FOXI3: variants seen among roughly 807,000 people sequenced by gnomAD.
FOXI3 encodes forkhead box I3.
A neutral mutation model predicts 15.6 loss-of-function variants in FOXI3; 4 were observed. The ratio of observed to expected loss-of-function variants is 0.26; its 90% CI spans 0.13 to 0.59. The LOEUF (loss-of-function observed/expected upper bound fraction) is 0.59. Ranked by LOEUF, FOXI3 falls within the 20% of genes least tolerant of loss-of-function variation. The pLI, the probability that FOXI3 is intolerant of heterozygous loss-of-function variation, is 0.90. For missense variants in FOXI3, 489 were observed against 548.2 expected (o/e 0.89, Z 1.08); for synonymous variants, 238 against 244.4 (o/e 0.97, Z 0.25).
At chr2:88,451,207 CCT>C (rs1223248427) in intron 1 of FOXI3, among the ~76,000 whole-genome samples, 1 of 152,174 alleles carries the variant, frequency 6.6e-6, no homozygotes, top group Admixed American at 6.5e-5. Flanking sequence ...ACACAGACCT[CCT>C]CACTCCAGGA....
chr2:88,452,248 C>A lies in FOXI3; in HGVS notation c.288G>T (p.Pro96=), dbSNP rs1052668030. ...GAAAGPFLQP[P]PAAGTFGCSQ... is the part of the protein sequence containing the mutation. ...AGCAGCCGAAGGTGCCGGCGGCAGG[C>A]GGTGGCTGCAGAAAGGGCCCGGCCG... is the stretch of plus-strand genomic sequence containing the variant. Residue 96 remains proline (P), a synonymous_variant, in exon 1 of 2, where the codon CCG becomes CCT. Coordinates refer to ENST00000428390, the MANE Select transcript of FOXI3 (RefSeq NM_001135649.3). The A allele has an allele frequency of 1.9e-6, 2 of 1,041,030 alleles. No individual in the cohort carries two copies. The highest frequency in any genetic ancestry group is 2.3e-6 in the Non-Finnish European group (2 of 868,878). 64.5% of individuals were successfully genotyped at this position (1,041,030 alleles called of 1,614,324 possible).
chr2:88,451,764 C>T (rs1676050834), intron 1 of FOXI3, 132 bp downstream of exon 1: 2 of 1,342,222 alleles, frequency 1.5e-6, no homozygotes, highest in Non-Finnish European at 2.0e-6. Flanking sequence ...GTTATTCCTC[C>T]ATCCGCTCCC....
At position 88,448,749 on chromosome 2, in the gene FOXI3, G is replaced by T. The variant is rs764032108; in HGVS notation, c.721C>A (p.Arg241Ser). The change falls in exon 2 of 2, where the codon CGC (arginine) becomes AGC (serine). Residue 241 changes from arginine (R) to serine (S), a missense_variant. Arg to Ser is a moderately radical substitution (Grantham distance 110). This residue lies in a region of FOXI3 where 263 missense variants were observed against 285.5 expected (regional missense o/e 0.92). Coordinates refer to ENST00000428390, the MANE Select transcript of FOXI3 (RefSeq NM_001135649.3). ...GTGGAGCCATTGCTGGCCTCAGAGC[G>T]GCGCTTTCGCTTCCGACGGAAGTTC... ...NGNFRRKRKRRSEASNGSTVA... is the reference protein window; with the variant it reads ...NGNFRRKRKRSSEASNGSTVA... The T allele has an allele frequency of 1.3e-6, 2 of 1,551,892 alleles. No homozygotes were observed. The highest frequency in any genetic ancestry group is 2.4e-5 in the East Asian group (1 of 40,920).
Position 88,447,395 on chromosome 2 carries a change from T to A in FOXI3, c.*812A>T, listed in dbSNP as rs917543560. 1 of 152,166 alleles carries A rather than the reference T, an allele frequency of 6.6e-6. No individual in the cohort carries two copies. 9.4% of individuals were successfully genotyped at this position (152,166 alleles called of 1,614,324 possible). ...GAGGTTTCCTATAAAAATTCAGATA[T>A]CTGGCTCTTCTATAAAAATCAGAAT... is the stretch of plus-strand genomic sequence containing the variant. On this transcript the variant is annotated 3_prime_UTR_variant, in exon 2 of 2. Coordinates refer to ENST00000428390, the MANE Select transcript of FOXI3 (RefSeq NM_001135649.3).
In FOXI3 at chr2:88,452,423, C is replaced by G. The variant is rs1251422571; in HGVS notation, c.113G>C (p.Gly38Ala). ...CGGCGGCGCGGCGTAGTCGGCCAGC[C>G]CGTAAGGCGCCCTGGCTGCCGGGGG... ...GAPPAARAPY[G>A]LADYAAPPAA... Residue 38 changes from glycine (G) to alanine (A), a missense_variant, in exon 1 of 2, where the codon GGG becomes GCG. Around this residue, in one of 3 missense-constraint regions of FOXI3, gnomAD observed 224 missense variants for 245.7 expected, o/e 0.91. Coordinates refer to ENST00000428390, the MANE Select transcript of FOXI3 (RefSeq NM_001135649.3). 12 of 1,016,094 alleles carry G rather than the reference C, an allele frequency of 1.2e-5. No homozygotes were observed. The highest frequency in any genetic ancestry group is 1.4e-5 in the Non-Finnish European group (12 of 852,544). The allele number at this position is 1,016,094 out of a possible 1,614,324, so 62.9% of individuals were successfully genotyped here.
chr2:88,448,317 G>C lies in FOXI3; in HGVS notation c.1153C>G (p.Pro385Ala), dbSNP rs1325733796. The C allele has an allele frequency of 6.4e-7, 1 of 1,551,666 alleles. No homozygotes were observed. Among genetic ancestry groups the C allele is most frequent in the Non-Finnish European group, 8.7e-7 (1 of 1,146,984 alleles). Residue 385 changes from proline (P) to alanine (A), a missense_variant, in exon 2 of 2, where the codon CCT (proline) becomes GCT (alanine). Transcript: ENST00000428390. ...STGQRSSYYSPFPASTSGGQS... is the reference protein window; with the variant it reads ...STGQRSSYYSAFPASTSGGQS... ...CCCCCGCTGGTGCTGGCAGGGAAAG[G>C]GCTGTAATAGGAAGATCTCTGGCCG... is the stretch of plus-strand genomic sequence containing the variant.
chr2:88,448,318 G>T lies in FOXI3; in HGVS notation c.1152C>A (p.Ser384Arg), dbSNP rs1348719844. The change falls in exon 2 of 2, where the codon AGC becomes AGA. Residue 384 changes from serine to arginine, a missense_variant. This residue lies in a region of FOXI3 where 263 missense variants were observed against 285.5 expected (regional missense o/e 0.92). Transcript: ENST00000428390. Reference sequence around the variant, plus strand: ...CCCCGCTGGTGCTGGCAGGGAAAGGGCTGTAATAGGAAGATCTCTGGCCGG... The same window carrying T: ...CCCCGCTGGTGCTGGCAGGGAAAGGTCTGTAATAGGAAGATCTCTGGCCGG... ...NSTGQRSSYY[S>R]PFPASTSGGQ... 6.4e-7 allele frequency: 1 copy of T among 1,551,676 alleles called. No individual in the cohort carries two copies. The highest frequency in any genetic ancestry group is 8.7e-7 in the Non-Finnish European group (1 of 1,146,998).
intron 1 of FOXI3, among the ~76,000 whole-genome samples, chr2:88,451,545 A>T (rs1028929244): frequency 6.6e-6 from 1 of 152,188 alleles, no homozygotes; most frequent in African/African-American, 2.4e-5. Flanking sequence ...ACCATCCCTT[A>T]TCTGAGAGCT....
At chr2:88,450,489 C>T (rs983726917) in intron 1 of FOXI3, among the ~76,000 whole-genome samples, 1 of 150,496 alleles carries the variant, frequency 6.6e-6, no homozygotes, top group Non-Finnish European at 1.5e-5. Flanking sequence ...TCCACTTGAA[C>T]CACGTTCTGC....
chr2:88,452,345 G>A lies in FOXI3; in HGVS notation c.191C>T (p.Pro64Leu). The A allele has an allele frequency of 1.0e-6, 1 of 984,298 alleles. No homozygotes were observed. Among genetic ancestry groups the A allele is most frequent in the South Asian group, 4.5e-5 (1 of 22,134 alleles). 61.0% of individuals were successfully genotyped at this position (984,298 alleles called of 1,614,324 possible). Residue 64 changes from proline (P) to leucine (L), a missense_variant, in exon 1 of 2, where the codon CCG (proline) becomes CTG (leucine). Physicochemically the swap from Pro to Leu is moderately conservative, Grantham distance 98. Coordinates refer to ENST00000428390, the MANE Select transcript of FOXI3 (RefSeq NM_001135649.3). ...GGCGGCTGCGGCGGCGGCGGAGGGC[G>A]GGCCTCCCACGCCGGGCCCGTTGAG... is the stretch of plus-strand genomic sequence containing the variant. Reference protein sequence around the residue: ...LWLNGPGVGGPPSAAAAAAAA... With the variant: ...LWLNGPGVGGLPSAAAAAAAA...
rs1390589335 is a variant in FOXI3 at position 88,447,368 on chromosome 2, TG to T, written c.*838del. On this transcript the variant is annotated 3_prime_UTR_variant, in exon 2 of 2. Transcript: ENST00000428390. ...TCTTCAGAGGCAAATGACACAAAGT[TG>T]GAGGTTTCCTATAAAAATTCAGATA... 1 of 152,244 alleles carries T rather than the reference TG, an allele frequency of 6.6e-6. No individual in the cohort carries two copies. Among genetic ancestry groups the T allele is most frequent in the Non-Finnish European group, 1.5e-5 (1 of 68,066 alleles). 9.4% of individuals were successfully genotyped at this position (152,244 alleles called of 1,614,324 possible). A position where few individuals can be genotyped will look rare whatever the true frequency, so the allele number is the denominator to read the frequency against.
chr2:88,448,080 G>A lies in FOXI3; in HGVS notation c.*127C>T, dbSNP rs1277359497. The A allele has an allele frequency of 1.2e-6, 1 of 812,620 alleles. No homozygotes were observed. Among genetic ancestry groups the A allele is most frequent in the Non-Finnish European group, 1.9e-6 (1 of 523,690 alleles). The allele number at this position is 812,620 out of a possible 1,614,324, so 50.3% of individuals were successfully genotyped here. On this transcript the variant is annotated 3_prime_UTR_variant, in exon 2 of 2. Coordinates refer to ENST00000428390, the MANE Select transcript of FOXI3 (RefSeq NM_001135649.3). ...TCCAAGTGTGGTCAAAGGACCACGA[G>A]ATCACCCAGGAACTCGACAGAAACG...
In FOXI3 at chr2:88,448,228, G is replaced by C; in HGVS notation, c.1242C>G (p.Pro414=). 1 of 1,551,596 alleles carries C rather than the reference G, an allele frequency of 6.4e-7. No individual in the cohort carries two copies. The highest frequency in any genetic ancestry group is 2.4e-5 in the East Asian group (1 of 40,908). Residue 414 remains proline, a synonymous_variant, in exon 2 of 2, where the codon CCC becomes CCG. Coordinates refer to ENST00000428390, the MANE Select transcript of FOXI3 (RefSeq NM_001135649.3). ...TGCTCTACACCTCGGAGCCCTCTCG[G>C]GGGTAGATGAGGCTGTTCACCATGC... is the stretch of plus-strand genomic sequence containing the variant. The part of the protein sequence containing the change: ...NFSMVNSLIY[P]REGSEV
chr2:88,448,473 C>A lies in FOXI3; in HGVS notation c.997G>T (p.Ala333Ser). ...CCTAGGTGGCGGCTGCCAGGGAGAG[C>A]CCGCTGGGTACTCACACTGCTGCTG... ...SVSSSVSTQR[A>S]LPGSRHLGIQ... Residue 333 changes from alanine to serine, a missense_variant, in exon 2 of 2, where the codon GCT becomes TCT. By Grantham distance (99) the Ala-to-Ser change is moderately conservative. Transcript: ENST00000428390. 6.4e-7 allele frequency: 1 copy of A among 1,551,674 alleles called. No individual in the cohort carries two copies. Among genetic ancestry groups the A allele is most frequent in the African/African-American group, 1.4e-5 (1 of 73,156 alleles).
Position 88,448,334 on chromosome 2 carries a change from C to T in FOXI3, c.1136G>A (p.Arg379Lys). 1 of 1,551,676 alleles carries T rather than the reference C, an allele frequency of 6.4e-7. No individual in the cohort carries two copies. The highest frequency in any genetic ancestry group is 8.7e-7 in the Non-Finnish European group (1 of 1,146,990). Residue 379 changes from arginine to lysine, a missense_variant, in exon 2 of 2, where the codon AGA becomes AAA. Coordinates refer to ENST00000428390, the MANE Select transcript of FOXI3 (RefSeq NM_001135649.3). Reference sequence around the variant, plus strand: ...AGGGAAAGGGCTGTAATAGGAAGATCTCTGGCCGGTGCTATTGCTGGTGCT... The same window carrying T: ...AGGGAAAGGGCTGTAATAGGAAGATTTCTGGCCGGTGCTATTGCTGGTGCT... ...SNSTSNSTGQ[R>K]SSYYSPFPAS...
In FOXI3 at chr2:88,452,650, C is replaced by T; in HGVS notation, c.-115G>A. The stretch of plus-strand genomic sequence containing the variant: ...CCAACCCTGCGGCTCCGCCTTCACC[C>T]GCGCTGGGCGCCCGGTGCTCCGGGC... On this transcript the variant is annotated 5_prime_UTR_variant, in exon 1 of 2. Transcript: ENST00000428390. 1.7e-6 allele frequency: 1 copy of T among 579,514 alleles called. No individual in the cohort carries two copies. The highest frequency in any genetic ancestry group is 2.2e-6 in the Non-Finnish European group (1 of 447,288). 35.9% of individuals were successfully genotyped at this position (579,514 alleles called of 1,614,324 possible). A position where few individuals can be genotyped will look rare whatever the true frequency, so the allele number is the denominator to read the frequency against.
At chr2:88,451,797 C>A in intron 1 of FOXI3, 99 bp downstream of exon 1, 1 of 1,518,994 alleles carries the variant, frequency 6.6e-7, no homozygotes, top group Non-Finnish European at 8.9e-7. Context: ...GACAAGAAGA[C>A]TCCTGGCAGA....
Position 88,448,805 on chromosome 2 carries a change from T to C in FOXI3, c.665A>G (p.Asp222Gly). The C allele has an allele frequency of 6.4e-7, 1 of 1,551,560 alleles. No individual in the cohort carries two copies. Among genetic ancestry groups the C allele is most frequent in the Non-Finnish European group, 8.7e-7 (1 of 1,146,894 alleles). Residue 222 changes from aspartate to glycine, a missense_variant, in exon 2 of 2, where the codon GAT (aspartate) becomes GGT (glycine). Coordinates refer to ENST00000428390, the MANE Select transcript of FOXI3 (RefSeq NM_001135649.3). ...GTCAAACATTTTCTCGCAGTTCGGA[T>C]CAAGAGTCCAATAATTACCCTTTCC... ...DPGKGNYWTL[D>G]PNCEKMFDNG...
chr2:88,450,222 A>T (rs1676018261), intron 1 of FOXI3, among the ~76,000 whole-genome samples: 1 of 152,138 alleles, frequency 6.6e-6, no homozygotes, highest in Admixed American at 6.6e-5. Context: ...CTTGAAGCTT[A>T]GCAGTTCGAG....
Sources: allele counts gnomAD v4.1 joint callset (sites outside exome capture counted in the v4.1 genomes callset), GRCh38; gene constraint gnomAD v4.1.1; regional missense constraint gnomAD v4.1.1; transcripts MANE v1.5; gene names NCBI Gene and HGNC (gene_info 2026-07-23, HGNC 2026-07-21).